The following ADGRG2 variants were observed in gnomAD, a reference collection of about 807,000 sequenced individuals.
ADGRG2 encodes G protein-coupled receptor 64.
In ADGRG2, 26 loss-of-function variants were observed where a neutral mutation model predicts 74.1. The observed-to-expected ratio is 0.35, with a 90% CI of 0.26 to 0.49. The LOEUF (loss-of-function observed/expected upper bound fraction) is 0.49, where lower values mean the gene tolerates loss of function less well. ADGRG2 is among the 20% of genes least tolerant of loss of function. The pLI, the probability that ADGRG2 is intolerant of heterozygous loss-of-function variation, is 0.99. For synonymous variants in ADGRG2, 296 were observed against 295.2 expected (o/e 1.00, Z -0.03); for missense variants, 619 against 763.1 (o/e 0.81, Z 2.22).
chrX:19,049,190 T>C (rs2061257281), intron 3 of ADGRG2, among the ~76,000 whole-genome samples: 1 of 112,300 alleles, frequency 8.9e-6, no homozygotes, highest in African/African-American at 3.2e-5. Flanking sequence ...CACATTTTAC[T>C]GAAATGTCAC....
In ADGRG2 at chrX:19,013,710, T is replaced by C. The variant is rs776061978; in HGVS notation, c.1075A>G (p.Thr359Ala). Residue 359 changes from threonine (T) to alanine (A), a missense_variant, in exon 16 of 29, where the codon ACC becomes GCC. Physicochemically the swap from Thr to Ala is moderately conservative, Grantham distance 58. Transcript: ENST00000379869. ...CCTGTCTGGACAGGAGGTGCGCTGG[T>C]AGTGTTGACATTCGCAGGGGCAGAC... ...TVSAPANVNTTSAPPVQTDIV... is the reference protein window; with the variant it reads ...TVSAPANVNTASAPPVQTDIV... The C allele has an allele frequency of 1.7e-6, 2 of 1,197,661 alleles. No homozygotes were observed. The highest frequency in any genetic ancestry group is 1.7e-5 in the African/African-American group (1 of 57,310).
intron 3 of ADGRG2, among the ~76,000 whole-genome samples, chrX:19,051,407 C>T (rs2061319878): frequency 9.0e-6 from 1 of 111,473 alleles, no homozygotes; most frequent in Admixed American, 9.5e-5. Context: ...AAATCACTTC[C>T]CTATGGGTTC....
At position 18,999,980 on chromosome X, in the gene ADGRG2, G is replaced by T; in HGVS notation, c.2231-20C>A. 1 of 891,870 alleles carries T rather than the reference G, an allele frequency of 1.1e-6. No homozygotes were observed. Among genetic ancestry groups the T allele is most frequent in the Non-Finnish European group, 1.6e-6 (1 of 618,518 alleles). 73.5% of individuals were successfully genotyped at this position (891,870 alleles called of 1,213,427 possible). ...GTACCCCTGGAAGATGGGAAACATT[G>T]GTCACACCTAATTTTTTTTTTTTTT... On this transcript the variant is annotated intron_variant, in intron 24 of 28. Transcript: ENST00000379869.
chrX:19,014,254 GC>G (rs751177785), intron 15 of ADGRG2, among the ~76,000 whole-genome samples, 180 bp from the exon 16 acceptor site: 2 of 110,562 alleles, frequency 1.8e-5, no homozygotes, highest in Non-Finnish European at 3.8e-5. Flanking sequence ...CCCAGCCCCT[GC>G]CCACTTCTAC....
chrX:19,058,790 T>C (rs1234780093), intron 3 of ADGRG2, among the ~76,000 whole-genome samples: 1 of 112,496 alleles, frequency 8.9e-6, no homozygotes, highest in Non-Finnish European at 1.9e-5. Context: ...CCCTGTGATC[T>C]TGTAAATGTG....
intron 2 of ADGRG2, among the ~76,000 whole-genome samples, chrX:19,074,890 T>C (rs2061720122): frequency 9.1e-6 from 1 of 109,540 alleles, no homozygotes; most frequent in Admixed American, 9.9e-5. Context: ...CTTAAACATA[T>C]CAAAGAGCTG....
intron 2 of ADGRG2, among the ~76,000 whole-genome samples, chrX:19,082,302 A>G (rs751962860): frequency 7.2e-5 from 8 of 110,728 alleles, no homozygotes; most frequent in African/African-American, 2.0e-4. Flanking sequence ...AAAAGCTGTT[A>G]GAGCCAAGGG....
intron 3 of ADGRG2, among the ~76,000 whole-genome samples, chrX:19,054,397 T>C (rs1222686600): frequency 8.9e-6 from 1 of 112,096 alleles, no homozygotes; most frequent in Non-Finnish European, 1.9e-5. Context: ...ATGGTCTCCC[T>C]AGGGGTCACA....
chrX:19,025,171 T>C (rs1291600380), intron 11 of ADGRG2, among the ~76,000 whole-genome samples: 1 of 111,677 alleles, frequency 9.0e-6, no homozygotes, highest in Non-Finnish European at 1.9e-5. Context: ...AGAACATCCA[T>C]CCTTTGGTAC....
chrX:19,089,047 AGTT>A (rs2061975100), intron 1 of ADGRG2, among the ~76,000 whole-genome samples: 1 of 112,255 alleles, frequency 8.9e-6, no homozygotes, highest in Non-Finnish European at 1.9e-5. Context: ...TTGCCCATAA[AGTT>A]GTTATTATTC....
At chrX:19,026,832 G>A (rs1007299188) in intron 11 of ADGRG2, among the ~76,000 whole-genome samples, 6 of 111,189 alleles carry the variant, frequency 5.4e-5, no homozygotes, top group African/African-American at 2.0e-4. Flanking sequence ...CTCATTGTCT[G>A]TGCTTGTCCT....
At chrX:19,023,988 T>C in intron 11 of ADGRG2, 40 bp from the exon 12 acceptor site, 2 of 968,661 alleles carry the variant, frequency 2.1e-6, no homozygotes, top group Non-Finnish European at 3.0e-6. Context: ...AGGAGACCAT[T>C]AGTGATATTA....
chrX:19,023,080 G>A (rs1479515103), intron 13 of ADGRG2, among the ~76,000 whole-genome samples: 1 of 109,920 alleles, frequency 9.1e-6, no homozygotes, highest in Non-Finnish European at 1.9e-5. Flanking sequence ...CCCTCTTTTT[G>A]TTCTGGCCTT....
At chrX:19,093,926 CA>C (rs1276187182) in intron 1 of ADGRG2, among the ~76,000 whole-genome samples, 10 of 105,571 alleles carry the variant, frequency 9.5e-5, no homozygotes, top group African/African-American at 3.5e-4. Context: ...CACACACACA[CA>C]CACACACACA....
chrX:19,051,235 C>T (rs1020051178), intron 3 of ADGRG2, among the ~76,000 whole-genome samples: 3 of 111,273 alleles, frequency 2.7e-5, no homozygotes, highest in South Asian at 3.9e-4. Flanking sequence ...CCACCACGCC[C>T]GGCTAATTTT....
Position 18,996,034 on chromosome X carries a change from G to A in ADGRG2, c.2716+17C>T. The stretch of plus-strand genomic sequence containing the variant: ...TTGAGATTTAAGAGGAAGAGAAAAA[G>A]TGAGGTAAATCTTTACCAGAATTTT... On this transcript the variant is annotated intron_variant, in intron 27 of 28. Coordinates refer to ENST00000379869, the MANE Select transcript of ADGRG2 (RefSeq NM_001079858.3). The A allele has an allele frequency of 1.2e-6, 1 of 854,253 alleles. No homozygotes were observed. The highest frequency in any genetic ancestry group is 1.7e-6 in the Non-Finnish European group (1 of 573,033). The allele number at this position is 854,253 out of a possible 1,213,427, so 70.4% of individuals were successfully genotyped here. A position where few individuals can be genotyped will look rare whatever the true frequency, so the allele number is the denominator to read the frequency against.
At chrX:19,015,094 G>C (rs917108202) in intron 15 of ADGRG2, among the ~76,000 whole-genome samples, 5 of 111,700 alleles carry the variant, frequency 4.5e-5, no homozygotes, top group African/African-American at 1.6e-4. Context: ...TCTGGCACAA[G>C]ATCCATCAGT....
At chrX:19,037,986 C>T (rs904074219) in intron 4 of ADGRG2, among the ~76,000 whole-genome samples, 1 of 112,018 alleles carries the variant, frequency 8.9e-6, no homozygotes, top group Non-Finnish European at 1.9e-5. Context: ...AATAACTTGC[C>T]GAATTACAAT....
intron 7 of ADGRG2, chrX:19,035,377 T>C (rs543207276): frequency 8.0e-5 from 9 of 112,338 alleles, no homozygotes; most frequent in African/African-American, 2.9e-4. Context: ...ATTAAAAAGA[T>C]AGAAACAACT....
Sources: allele counts gnomAD v4.1 joint callset (sites outside exome capture counted in the v4.1 genomes callset), GRCh38; gene constraint gnomAD v4.1.1; transcripts MANE v1.5; gene names NCBI Gene and HGNC (gene_info 2026-07-23, HGNC 2026-07-21).